The following EPG5 variants were observed in gnomAD, a reference collection of about 807,000 sequenced individuals.
EPG5 encodes ectopic P granules protein 5 homolog.
EPG5 carries 159 observed loss-of-function variants against 302.7 expected under a neutral mutation model. That is an observed-to-expected ratio of 0.53 (90% confidence interval 0.46 to 0.60). The LOEUF (loss-of-function observed/expected upper bound fraction) is 0.60, where lower values mean the gene tolerates loss of function less well. Ranked by LOEUF, EPG5 falls within the 20% of genes least tolerant of loss-of-function variation. The pLI, the probability that EPG5 is intolerant of heterozygous loss-of-function variation, is 0.00. For missense variants in EPG5, 2,896 were observed against 3,092.4 expected, an observed-to-expected ratio of 0.94 and a Z score of 1.51; for synonymous variants, 1,158 against 1,136.8, an observed-to-expected ratio of 1.02 and a Z score of -0.37.
intron 14 of EPG5, 66 bp from the exon 15 acceptor site, chr18:45,923,453 T>C: frequency 6.5e-7 from 1 of 1,534,260 alleles, no homozygotes. Context: ...TACCTTTGAA[T>C]CAAAACATTA....
At chr18:45,886,265 C>T (rs188399396) in intron 29 of EPG5, among the ~76,000 whole-genome samples, 218 of 152,324 alleles carry the variant, frequency 1.4e-3, no homozygotes, top group African/African-American at 5.1e-3. Context: ...TTACCTCAGC[C>T]TGATTGCAGC....
At chr18:45,934,664 A>C in intron 11 of EPG5, 145 bp downstream of exon 11, 1 of 868,322 alleles carries the variant, frequency 1.2e-6, no homozygotes, top group Non-Finnish European at 1.7e-6. Flanking sequence ...ACTGTGAAGC[A>C]GTCTCCTGAA....
chr18:45,850,823 G>A lies in EPG5; in HGVS notation c.*1644C>T, dbSNP rs1033615348. The stretch of plus-strand genomic sequence containing the variant: ...CACAAAATATTTCCAAACAAAAATC[G>A]CTGTTGCCAGATCAGACTATTAAAT... On this transcript the variant is annotated 3_prime_UTR_variant, in exon 44 of 44. Transcript: ENST00000282041. The A allele has an allele frequency of 6.6e-5, 10 of 152,658 alleles. No homozygotes were observed. The highest frequency in any genetic ancestry group is 1.9e-4 in the East Asian group (1 of 5,194). The allele number at this position is 152,658 out of a possible 1,614,324, so 9.5% of individuals were successfully genotyped here.
At chr18:45,869,029 T>C (rs1004073603) in intron 36 of EPG5, among the ~76,000 whole-genome samples, 2 of 147,554 alleles carry the variant, frequency 1.4e-5, no homozygotes, top group Non-Finnish European at 3.0e-5. Context: ...CACTCCAGCC[T>C]GGGTGACAGA....
At chr18:45,865,827 T>A in intron 38 of EPG5, 68 bp from the exon 39 acceptor site, 1 of 1,516,764 alleles carries the variant, frequency 6.6e-7, no homozygotes, top group Non-Finnish European at 8.9e-7. Context: ...GCATATTTCC[T>A]GGGAGCATGG....
chr18:45,855,858 A>G (rs1267082856), intron 42 of EPG5, among the ~76,000 whole-genome samples, 171 bp from the exon 43 acceptor site: 1 of 152,248 alleles, frequency 6.6e-6, no homozygotes, highest in Non-Finnish European at 1.5e-5. Context: ...TTTATCCATT[A>G]TCACCATCCA....
rs35390875 is a variant in EPG5, at chr18:45,928,213, C to CAA, written c.2553+654_2553+655dup. ...GGGTAACAAGAGCAAAACTCCATCT[C>CAA]AAAAAAAAAAAAAGTGATAGCTGAA... On this transcript the variant is annotated intron_variant, in intron 13 of 43. Coordinates refer to ENST00000282041, the MANE Select transcript of EPG5 (RefSeq NM_020964.3). Among the ~76,000 whole-genome samples, 340 of 130,670 alleles carry CAA rather than the reference C, an allele frequency of 2.6e-3. 3 individuals carry two copies. Among genetic ancestry groups the CAA allele is most frequent in the African/African-American group, 8.8e-3 (323 of 36,898 alleles). The allele number at this position is 130,670 out of a possible 152,430, so 85.7% of individuals were successfully genotyped here.
intron 13 of EPG5, among the ~76,000 whole-genome samples, chr18:45,927,197 T>A (rs966972343): frequency 3.3e-5 from 5 of 152,050 alleles, no homozygotes; most frequent in African/African-American, 1.2e-4. Flanking sequence ...CACACCCGGC[T>A]AATTTGTTTT....
the EPG5 span, among the ~76,000 whole-genome samples, chr18:45,806,208 G>C: frequency 1.3e-5 from 2 of 152,122 alleles, no homozygotes; most frequent in Non-Finnish European, 2.9e-5. Context: ...AGCTAGTTTG[G>C]GGGTAGTGAA....
chr18:45,837,225 G>A, the EPG5 span: 1 of 1,400,544 alleles, frequency 7.1e-7, no homozygotes, highest in South Asian at 1.5e-5. Context: ...GGGGCCTGCA[G>A]GTGAATTAGG....
chr18:45,822,045 G>A, the EPG5 span, among the ~76,000 whole-genome samples: 1 of 152,158 alleles, frequency 6.6e-6, no homozygotes, highest in Non-Finnish European at 1.5e-5. Context: ...AATCCCAGTA[G>A]GGGGCATTTA....
rs757564770 is a variant in EPG5 at position 45,912,387 on chromosome 18, G to C, written c.3886C>G (p.His1296Asp). ...LQRLLIYRWA[H>D]QALVTPSDHP... is the part of the protein sequence containing the mutation. ...TCAGAAGGTGTGACCAGAGCCTGGT[G>C]GGCCCAGCGATAAATCAGCAGCCTC... Residue 1296 changes from histidine to aspartate, a missense_variant, in exon 22 of 44, where the codon CAC becomes GAC. By Grantham distance (81) the His-to-Asp change is moderately conservative. Around this residue, in one of 5 missense-constraint regions of EPG5, gnomAD observed 64 missense variants for 101.8 expected, o/e 0.63. Coordinates refer to ENST00000282041, the MANE Select transcript of EPG5 (RefSeq NM_020964.3). The C allele has an allele frequency of 1.9e-6, 3 of 1,611,454 alleles. No individual in the cohort carries two copies. The South Asian group carries it at 3.3e-5, about 18-fold the overall frequency.
chr18:45,845,981 G>A (rs1353807890), downstream of EPG5, among the ~76,000 whole-genome samples: 1 of 152,216 alleles, frequency 6.6e-6, no homozygotes, highest in Non-Finnish European at 1.5e-5. Flanking sequence ...GAAATGAGTT[G>A]GCTGGAGACA....
In EPG5 at chr18:45,922,419, T is replaced by C; in HGVS notation, c.3020A>G (p.His1007Arg). ...VPDMTESPTF[H>R]PLLKAVKAGM... Reference sequence around the variant, plus strand: ...CGCTTTCACAGCCTTCAAGAGAGGATGAAACGTGGGTGACTCTGTCATGTC... The same window carrying C: ...CGCTTTCACAGCCTTCAAGAGAGGACGAAACGTGGGTGACTCTGTCATGTC... The change falls in exon 16 of 44, where the codon CAT becomes CGT. Residue 1007 changes from histidine to arginine, a missense_variant. Transcript: ENST00000282041. 1 of 1,614,162 alleles carries C rather than the reference T, an allele frequency of 6.2e-7. No individual in the cohort carries two copies. Among genetic ancestry groups the C allele is most frequent in the East Asian group, 2.2e-5 (1 of 44,880 alleles).
At chr18:45,884,551 G>T (rs1397841628) in intron 30 of EPG5, 66 bp downstream of exon 30, 2 of 1,431,450 alleles carry the variant, frequency 1.4e-6, no homozygotes, top group African/African-American at 1.5e-5. Flanking sequence ...TTTTATTTCT[G>T]TAGAGGAGGA....
Position 45,860,133 on chromosome 18 carries a change from TC to T in EPG5, c.6979del (p.Glu2327LysfsTer47). On this transcript the variant is annotated frameshift_variant, in exon 40 of 44. Coordinates refer to ENST00000282041, the MANE Select transcript of EPG5 (RefSeq NM_020964.3). LOFTEE classifies it high-confidence loss of function. ...ASVRHMAETT[E>X]ACITAYFKES... ...TTTGAAGTAGGCAGTGATGCAGGCT[TC>T]TGTAGTCTCAGCCATGTGGCGGACG... 1 of 1,614,252 alleles carries T rather than the reference TC, an allele frequency of 6.2e-7. No individual in the cohort carries two copies. Among genetic ancestry groups the T allele is most frequent in the Non-Finnish European group, 8.5e-7 (1 of 1,180,044 alleles).
the EPG5 span, among the ~76,000 whole-genome samples, chr18:45,840,511 A>G: frequency 2.6e-5 from 4 of 152,138 alleles, no homozygotes; most frequent in Non-Finnish European, 5.9e-5. Flanking sequence ...ACATTCTTGA[A>G]CAGGCAGATT....
At chr18:45,946,175 C>T (rs2050781265) in intron 7 of EPG5, among the ~76,000 whole-genome samples, 1 of 152,140 alleles carries the variant, frequency 6.6e-6, no homozygotes, top group African/African-American at 2.4e-5. Context: ...AATGGAAAAC[C>T]ATCTTCTACC....
chr18:45,909,752 T>C lies in EPG5; in HGVS notation c.4205+769A>G, dbSNP rs145388252. On this transcript the variant is annotated intron_variant, in intron 23 of 43. Coordinates refer to ENST00000282041, the MANE Select transcript of EPG5 (RefSeq NM_020964.3). ...GGATCCCTGAATCCCGTGAAGGATC[T>C]ATGAACCACACTTAAAGAGCCCTGC... Among the ~76,000 whole-genome samples the C allele has an allele frequency of 4.8e-3, 738 of 152,322 alleles. 7 individuals are homozygous for C. The highest frequency in any genetic ancestry group is 0.017 in the African/African-American group (690 of 41,568).
Sources: allele counts gnomAD v4.1 joint callset (sites outside exome capture counted in the v4.1 genomes callset), GRCh38; gene constraint gnomAD v4.1.1; regional missense constraint gnomAD v4.1.1; transcripts MANE v1.5; gene names NCBI Gene and HGNC (gene_info 2026-07-23, HGNC 2026-07-21).